RAB27A: variants seen among roughly 807,000 people sequenced by gnomAD.
The protein encoded by RAB27A is ras-related protein Rab-27A.
A neutral mutation model predicts 20.8 loss-of-function variants in RAB27A; 17 were observed. The observed-to-expected ratio is 0.82, with a 90% CI of 0.56 to 1.23. The LOEUF is 1.23. RAB27A is among the 50% of genes most tolerant of loss of function. RAB27A has a pLI of 0.00. For synonymous variants in RAB27A, 85 were observed against 92.8 expected, an observed-to-expected ratio of 0.92 and a Z score of 0.48; for missense variants, 277 against 266.7, an observed-to-expected ratio of 1.04 and a Z score of -0.27.
In RAB27A at chr15:55,241,600, T is replaced by TTCTATATATATA. The variant is rs1388634936; in HGVS notation, c.-22-6645_-22-6644insTATATATATAGA. On this transcript the variant is annotated intron_variant, in intron 2 of 6. Coordinates refer to ENST00000336787, the MANE Select transcript of RAB27A (RefSeq NM_183235.3). Reference sequence around the variant, plus strand: ...AGCCCAGGCAACTAGCAAGACCTATTTATATATATATATATATATATATAT... The same window carrying TTCTATATATATA: ...AGCCCAGGCAACTAGCAAGACCTATTTCTATATATATATATATATATATATATATATATATAT... 1.8e-3 allele frequency among the ~76,000 whole-genome samples: 219 copies of TTCTATATATATA among 123,826 alleles called. 34 individuals are homozygous for TTCTATATATATA. The highest frequency in any genetic ancestry group is 9.1e-3 in the African/African-American group (212 of 23,404). 81.2% of individuals were successfully genotyped at this position (123,826 alleles called of 152,430 possible). A position where few individuals can be genotyped will look rare whatever the true frequency, so the allele number is the denominator to read the frequency against.
rs2140889780 is a variant in RAB27A, at chr15:55,205,235, C to G, written c.*272G>C. On this transcript the variant is annotated 3_prime_UTR_variant, in exon 7 of 7. Transcript: ENST00000336787. ...CTTCTGTGACTGCAAAATTCTGAAT[C>G]CTTGAATGATTTACTATAATAGGCT... is the stretch of plus-strand genomic sequence containing the variant. 8.4e-6 allele frequency: 4 copies of G among 478,134 alleles called. No homozygotes were observed. Among genetic ancestry groups the G allele is most frequent in the South Asian group, 6.3e-5 (3 of 47,306 alleles). The allele number at this position is 478,134 out of a possible 1,614,324, so 29.6% of individuals were successfully genotyped here. A position where few individuals can be genotyped will look rare whatever the true frequency, so the allele number is the denominator to read the frequency against.
At chr15:55,282,627 G>A (rs909954076) in intron 1 of RAB27A, among the ~76,000 whole-genome samples, 2 of 152,134 alleles carry the variant, frequency 1.3e-5, no homozygotes, top group Admixed American at 1.3e-4. Flanking sequence ...TGGCAGCTGC[G>A]AGCTTATCGT....
upstream of RAB27A, chr15:55,290,357 T>G (rs1001233497): frequency 6.6e-6 from 1 of 152,200 alleles, no homozygotes; most frequent in Non-Finnish European, 1.5e-5. Context: ...TAGGTCGGCC[T>G]GGACACGGCG....
At chr15:55,211,443 T>C (rs1408700378) in intron 6 of RAB27A, among the ~76,000 whole-genome samples, 1 of 152,194 alleles carries the variant, frequency 6.6e-6, no homozygotes, top group East Asian at 1.9e-4. Context: ...CTGTGTTTTA[T>C]AGTTTTCCTT....
intron 6 of RAB27A, among the ~76,000 whole-genome samples, chr15:55,220,373 G>T (rs1003576775): frequency 6.6e-6 from 1 of 152,080 alleles, no homozygotes; most frequent in African/African-American, 2.4e-5. Context: ...GGGTTCAAGC[G>T]ATTCTCCTGC....
intron 2 of RAB27A, among the ~76,000 whole-genome samples, chr15:55,246,051 C>T (rs371622110): frequency 6.6e-6 from 1 of 151,626 alleles, no homozygotes; most frequent in Non-Finnish European, 1.5e-5. Flanking sequence ...CCAGCCTGGG[C>T]GACAGAGTGA....
At chr15:55,236,795 TGAAG>T (rs1036021504) in intron 2 of RAB27A, among the ~76,000 whole-genome samples, 10 of 152,188 alleles carry the variant, frequency 6.6e-5, no homozygotes, top group Non-Finnish European at 1.5e-4. Context: ...AATGATCACA[TGAAG>T]GTATTTAGGG....
chr15:55,248,230 C>A (rs576728680), intron 2 of RAB27A, among the ~76,000 whole-genome samples: 9 of 152,266 alleles, frequency 5.9e-5, no homozygotes, highest in African/African-American at 2.2e-4. Context: ...CATAGTCAAA[C>A]ATCCACCCTA....
chr15:55,288,986 A>T (rs1456898564), intron 1 of RAB27A: 1 of 152,300 alleles, frequency 6.6e-6, no homozygotes, highest in Non-Finnish European at 1.5e-5. Flanking sequence ...CCAGAAGGAA[A>T]GAACAGCTGT....
intron 3 of RAB27A, among the ~76,000 whole-genome samples, chr15:55,232,369 A>C (rs867294353): frequency 1.3e-5 from 2 of 152,206 alleles, no homozygotes; most frequent in Admixed American, 6.5e-5. Context: ...CAGGTAGGGG[A>C]AAGAATCTGA....
At chr15:55,255,967 C>T (rs1897063684) in intron 2 of RAB27A, among the ~76,000 whole-genome samples, 1 of 152,162 alleles carries the variant, frequency 6.6e-6, no homozygotes, top group South Asian at 2.1e-4. Flanking sequence ...ACAGCTTCCC[C>T]ACACTGTTTC....
chr15:55,298,702 T>A (rs537471957), intron 2 of RAB27A, among the ~76,000 whole-genome samples: 1 of 152,130 alleles, frequency 6.6e-6, no homozygotes, highest in African/African-American at 2.4e-5. Flanking sequence ...TATGGGAGAC[T>A]GGGGTCTATT....
At chr15:55,291,745 T>G (rs1898318004), upstream of RAB27A, among the ~76,000 whole-genome samples, 1 of 151,990 alleles carries the variant, frequency 6.6e-6, no homozygotes. Flanking sequence ...AAACCTAGGA[T>G]GGTGCTATGG....
At chr15:55,270,006 T>C (rs900591480) in intron 2 of RAB27A, 159 bp downstream of exon 2, 6 of 152,022 alleles carry the variant, frequency 3.9e-5, no homozygotes, top group African/African-American at 1.2e-4. Context: ...TTCAAACTAA[T>C]CCCAAGAAAT....
At position 55,205,380 on chromosome 15, in the gene RAB27A, G is replaced by C; in HGVS notation, c.*127C>G. On this transcript the variant is annotated 3_prime_UTR_variant, in exon 7 of 7. Transcript: ENST00000336787. ...TTAGAACCGGATGCTTTATTCGTAG[G>C]TCTAATGGGGATGGTGAGAAGCAAT... The C allele has an allele frequency of 1.1e-6, 1 of 935,208 alleles. No homozygotes were observed. The highest frequency in any genetic ancestry group is 1.8e-6 in the Non-Finnish European group (1 of 567,082). The allele number at this position is 935,208 out of a possible 1,614,324, so 57.9% of individuals were successfully genotyped here.
At chr15:55,278,964 C>G (rs1201039934) in intron 1 of RAB27A, among the ~76,000 whole-genome samples, 1 of 152,168 alleles carries the variant, frequency 6.6e-6, no homozygotes, top group African/African-American at 2.4e-5. Context: ...GAAGCAACTC[C>G]CTACTCCACA....
chr15:55,313,662 T>G (rs1053988301), intron 2 of RAB27A, among the ~76,000 whole-genome samples: 1 of 152,138 alleles, frequency 6.6e-6, no homozygotes, highest in Non-Finnish European at 1.5e-5. Flanking sequence ...TCACTTCAGG[T>G]CAGGAGTTGA....
At chr15:55,281,874 G>T (rs188903420) in intron 1 of RAB27A, among the ~76,000 whole-genome samples, 2 of 152,134 alleles carry the variant, frequency 1.3e-5, no homozygotes, top group South Asian at 2.1e-4. Context: ...TAAGCAGAAG[G>T]ATATGAATTG....
At position 55,228,677 on chromosome 15, in the gene RAB27A, G is replaced by A. The variant is rs137960099; in HGVS notation, c.275C>T (p.Ala92Val). ...ATCAAAAAGTAGAAGAAAACCCATA[G>A]CATCTCTGAAGAACGCTGTCGTTAA... The part of the protein sequence containing the change: ...RSLTTAFFRD[A>V]MGFLLLFDLT... Residue 92 changes from alanine to valine, a missense_variant, in exon 5 of 7, where the codon GCT (alanine) becomes GTT (valine). Transcript: ENST00000336787. The A allele has an allele frequency of 4.0e-5, 65 of 1,613,690 alleles. No homozygotes were observed. Among genetic ancestry groups the A allele is most frequent in the Middle Eastern group, 3.3e-4 (2 of 6,084 alleles).
Sources: allele counts gnomAD v4.1 joint callset (sites outside exome capture counted in the v4.1 genomes callset), GRCh38; gene constraint gnomAD v4.1.1; transcripts MANE v1.5; gene names NCBI Gene and HGNC (gene_info 2026-07-23, HGNC 2026-07-21).